Variants in SFI1 observed in about 807,000 individuals in gnomAD.
SFI1 encodes the protein SFI1 centrin binding protein.
In SFI1, 195 loss-of-function variants were observed where a neutral mutation model predicts 207.5. The ratio of observed to expected loss-of-function variants is 0.94; its 90% CI spans 0.84 to 1.06. SFI1 has a LOEUF of 1.06. Ranked by LOEUF, SFI1 falls within the 50% of genes least tolerant of loss-of-function variation. SFI1 has a pLI of 0.00. For missense variants in SFI1, 1,634 were observed against 1,588.0 expected (o/e 1.03, Z -0.49); for synonymous variants, 630 against 598.9 (o/e 1.05, Z -0.76).
At position 31,575,694 on chromosome 22, in the gene SFI1, C is replaced by G. The variant is rs117415580; in HGVS notation, c.1084+302C>G. On this transcript the variant is annotated intron_variant, in intron 10 of 32. Transcript: ENST00000400288. ...TGACTGCGTTCTTTTTCTTTTCCCT[C>G]AGAGGTAATCCCACTTTCCTGATTC... 6.2e-4 allele frequency among the ~76,000 whole-genome samples: 94 copies of G among 152,328 alleles called. 6 individuals carry two copies. In the East Asian group the frequency reaches 0.014, roughly 23 times the overall value.
At chr22:31,540,553 TA>T (rs1055911894) in intron 4 of SFI1, among the ~76,000 whole-genome samples, 8 of 151,716 alleles carry the variant, frequency 5.3e-5, no homozygotes, top group Admixed American at 3.9e-4. Context: ...GTGCTGGGAT[TA>T]CAGGCGTGAG....
intron 2 of SFI1, among the ~76,000 whole-genome samples, chr22:31,517,699 T>G (rs973391454): frequency 3.3e-5 from 5 of 152,186 alleles, no homozygotes; most frequent in African/African-American, 1.2e-4. Context: ...TAGCACAGTT[T>G]ATTGAAAAAA....
intron 29 of SFI1, chr22:31,616,235 G>A (rs1164254026): frequency 1.3e-5 from 2 of 152,668 alleles, no homozygotes; most frequent in African/African-American, 2.4e-5. Context: ...TGGTGAGTTA[G>A]GCCATGTGGG....
In SFI1 at chr22:31,563,438, A is replaced by C. The variant is rs145357675; in HGVS notation, c.765+2046A>C. On this transcript the variant is annotated intron_variant, in intron 8 of 32. Coordinates refer to ENST00000400288, the MANE Select transcript of SFI1 (RefSeq NM_001007467.3). Reference sequence around the variant, plus strand: ...ACTGACTGTGAATATAGGGAAACTAAACATAATGAGACTGATTTTCTGTCA... The same window carrying C: ...ACTGACTGTGAATATAGGGAAACTACACATAATGAGACTGATTTTCTGTCA... Among the ~76,000 whole-genome samples the C allele has an allele frequency of 3.0e-3, 453 of 152,304 alleles. 1 individual carries two copies. The highest frequency in any genetic ancestry group is 0.011 in the African/African-American group (441 of 41,554).
intron 12 of SFI1, among the ~76,000 whole-genome samples, chr22:31,583,105 G>T (rs866058681): frequency 1.8e-4 from 27 of 150,310 alleles, no homozygotes; most frequent in African/African-American, 4.0e-4. Context: ...AATTTTTTTT[G>T]TTGTTGTTTG....
Position 31,524,288 on chromosome 22 carries a change from C to G in SFI1, c.93-4402C>G, listed in dbSNP as rs114241941. On this transcript the variant is annotated intron_variant, in intron 2 of 32. Coordinates refer to ENST00000400288, the MANE Select transcript of SFI1 (RefSeq NM_001007467.3). ...TTTTTGGTCTTTTTGACAACAGTCA[C>G]CTAACAAGTAAGATGACACCTCATT... 7.6e-3 allele frequency among the ~76,000 whole-genome samples: 1,163 copies of G among 152,272 alleles called. 15 individuals carry two copies. The highest frequency in any genetic ancestry group is 0.027 in the African/African-American group (1,104 of 41,536).
At chr22:31,512,173 T>C (rs368867360) in intron 2 of SFI1, among the ~76,000 whole-genome samples, 2 of 151,878 alleles carry the variant, frequency 1.3e-5, no homozygotes, top group African/African-American at 2.4e-5. Context: ...CTGACCAATA[T>C]GGTAAAACCC....
chr22:31,521,719 T>C (rs1480628604), intron 2 of SFI1: 1 of 152,238 alleles, frequency 6.6e-6, no homozygotes, highest in Non-Finnish European at 1.5e-5. Flanking sequence ...TTTGTGTGTG[T>C]GTGGTAACGT....
At chr22:31,602,190 T>C in intron 15 of SFI1, 22 bp from the exon 16 acceptor site, 1 of 1,595,374 alleles carries the variant, frequency 6.3e-7, no homozygotes, top group Non-Finnish European at 8.6e-7. Flanking sequence ...TTAAGTGCTT[T>C]ACATTCTTCC....
chr22:31,539,866 C>T (rs767514861), intron 4 of SFI1, among the ~76,000 whole-genome samples: 13 of 152,028 alleles, frequency 8.6e-5, no homozygotes, highest in Non-Finnish European at 1.8e-4. Flanking sequence ...CAGGCATGCA[C>T]CACCACGCCT....
intron 1 of SFI1, among the ~76,000 whole-genome samples, chr22:31,497,868 A>T (rs1363141530): frequency 6.6e-6 from 1 of 152,220 alleles, no homozygotes; most frequent in African/African-American, 2.4e-5. Context: ...TTAACAAGGC[A>T]CCTGGTCACC....
At chr22:31,583,368 G>A (rs1158948407) in intron 12 of SFI1, among the ~76,000 whole-genome samples, 1 of 152,188 alleles carries the variant, frequency 6.6e-6, no homozygotes, top group Non-Finnish European at 1.5e-5. Context: ...ACCCGCCTTG[G>A]CCTCCCAAAG....
chr22:31,596,726 G>A (rs949743814), intron 15 of SFI1, among the ~76,000 whole-genome samples: 5 of 148,420 alleles, frequency 3.4e-5, no homozygotes, highest in Admixed American at 2.7e-4. Context: ...GGAGATTGCA[G>A]TGAGCCGAGA....
At position 31,589,488 on chromosome 22, in the gene SFI1, C is replaced by A; in HGVS notation, c.1455C>A (p.Ala485=). 1 of 1,613,916 alleles carries A rather than the reference C, an allele frequency of 6.2e-7. No individual in the cohort carries two copies. Among genetic ancestry groups the A allele is most frequent in the Non-Finnish European group, 8.5e-7 (1 of 1,179,968 alleles). ...ARADGHFQQR[A]LPAAFHTWNR... ...CGGATGGTCATTTCCAGCAGAGAGCCCTGCCTGCTGCCTTCCACACATGGA... is the reference window on the plus strand; with the variant it reads ...CGGATGGTCATTTCCAGCAGAGAGCACTGCCTGCTGCCTTCCACACATGGA... Residue 485 remains alanine (A), a synonymous_variant, in exon 15 of 33, where the codon GCC becomes GCA. Transcript: ENST00000400288.
chr22:31,587,307 T>TTTGTTTTGTC, intron 14 of SFI1: 1 of 401,998 alleles, frequency 2.5e-6, no homozygotes, highest in Non-Finnish European at 5.1e-6. Context: ...ATTTATTTGT[T>TTTGTTTTGTC]TTGTTTTGTT....
At chr22:31,504,943 C>T (rs1035194133) in intron 1 of SFI1, among the ~76,000 whole-genome samples, 1 of 152,146 alleles carries the variant, frequency 6.6e-6, no homozygotes, top group African/African-American at 2.4e-5. Context: ...TGCAAAGACC[C>T]TGTTTTCAGA....
intron 15 of SFI1, among the ~76,000 whole-genome samples, chr22:31,595,667 C>G (rs1240190817): frequency 1.3e-5 from 2 of 152,204 alleles, no homozygotes; most frequent in African/African-American, 4.8e-5. Context: ...GCCACAAGTT[C>G]TTCCAGTGCT....
intron 2 of SFI1, among the ~76,000 whole-genome samples, chr22:31,520,078 C>G (rs1366924845): frequency 2.0e-5 from 3 of 151,084 alleles, no homozygotes; most frequent in Non-Finnish European, 4.4e-5. Flanking sequence ...AAATTATTTA[C>G]TGATAAATAT....
rs756232313 is a variant in SFI1 at position 31,547,000 on chromosome 22, T to C, written c.449+29T>C. The C allele has an allele frequency of 2.4e-5, 34 of 1,390,370 alleles. No individual in the cohort carries two copies. In the East Asian group the frequency reaches 7.7e-4, roughly 32 times the overall value. 86.1% of individuals were successfully genotyped at this position (1,390,370 alleles called of 1,614,324 possible). A position where few individuals can be genotyped will look rare whatever the true frequency, so the allele number is the denominator to read the frequency against. On this transcript the variant is annotated intron_variant, in intron 5 of 32. Coordinates refer to ENST00000400288, the MANE Select transcript of SFI1 (RefSeq NM_001007467.3). ...AGGTTTCATGTTACACTCCTTCAGTTTTACTGATGCACATTATCAGATGAT... is the reference window on the plus strand; with the variant it reads ...AGGTTTCATGTTACACTCCTTCAGTCTTACTGATGCACATTATCAGATGAT...
Sources: gnomAD v4.1 joint callset for allele counts (sites outside exome capture counted in the v4.1 genomes callset) on GRCh38, gnomAD v4.1.1 for gene constraint, MANE v1.5 for transcripts, NCBI Gene and HGNC (gene_info 2026-07-23, HGNC 2026-07-21) for gene names.